Variants in BCKDHB observed in about 807,000 individuals in gnomAD.
BCKDHB encodes the protein 2-oxoisovalerate dehydrogenase subunit beta, mitochondrial.
BCKDHB carries 41 observed loss-of-function variants against 48.5 expected under a neutral mutation model. The ratio of observed to expected loss-of-function variants is 0.85; its 90% CI spans 0.66 to 1.10. The LOEUF (loss-of-function observed/expected upper bound fraction) is 1.10, where lower values mean the gene tolerates loss of function less well. Among genes scored for constraint, BCKDHB ranks in the 50% least tolerant of loss-of-function variants. The pLI is 0.00. For synonymous variants in BCKDHB, 201 were observed against 174.8 expected (o/e 1.15, Z -1.18); for missense variants, 496 against 494.2 (o/e 1.00, Z -0.03).
intron 8 of BCKDHB, among the ~76,000 whole-genome samples, chr6:80,233,570 A>G (rs1421718082): frequency 2.6e-5 from 4 of 152,118 alleles, no homozygotes; most frequent in Non-Finnish European, 5.9e-5. Context: ...TCTGAACCTT[A>G]TTAATCTTAA....
chr6:80,423,500 T>C, the BCKDHB span, among the ~76,000 whole-genome samples: 1 of 152,076 alleles, frequency 6.6e-6, no homozygotes, highest in Non-Finnish European at 1.5e-5. Flanking sequence ...TTCTTAGTCT[T>C]CCCCCTTCCC....
chr6:80,202,992 C>T, intron 7 of BCKDHB, 110 bp from the exon 8 acceptor site: 1 of 787,428 alleles, frequency 1.3e-6, no homozygotes, highest in Non-Finnish European at 2.3e-6. Flanking sequence ...CCATGCAGAT[C>T]AGTTCCTGAG....
chr6:80,306,763 G>A (rs1767899137), intron 9 of BCKDHB, among the ~76,000 whole-genome samples: 1 of 152,192 alleles, frequency 6.6e-6, no homozygotes, highest in South Asian at 2.1e-4. Flanking sequence ...TCTTACAGCT[G>A]TGGATTCATA....
chr6:80,279,452 A>G (rs1778109312), intron 9 of BCKDHB, among the ~76,000 whole-genome samples: 1 of 151,922 alleles, frequency 6.6e-6, no homozygotes, highest in Admixed American at 6.6e-5. Flanking sequence ...CGCCAGACCC[A>G]TCCTAAACTG....
chr6:80,364,381 C>G, the BCKDHB span, among the ~76,000 whole-genome samples: 1 of 152,130 alleles, frequency 6.6e-6, no homozygotes, highest in South Asian at 2.1e-4. Flanking sequence ...GCTATTGACT[C>G]TGAAGAGGGC....
intron 9 of BCKDHB, among the ~76,000 whole-genome samples, chr6:80,308,431 T>C (rs1767982377): frequency 6.6e-6 from 1 of 152,206 alleles, no homozygotes; most frequent in Non-Finnish European, 1.5e-5. Flanking sequence ...CATTTATTAT[T>C]AATGTAAAGT....
the BCKDHB span, among the ~76,000 whole-genome samples, chr6:80,373,197 T>A: frequency 6.6e-6 from 1 of 152,158 alleles, no homozygotes; most frequent in Non-Finnish European, 1.5e-5. Flanking sequence ...TTTCCAGGAA[T>A]TTATCCATCT....
chr6:80,210,099 A>G (rs1414964171), intron 8 of BCKDHB, among the ~76,000 whole-genome samples: 2 of 147,516 alleles, frequency 1.4e-5, no homozygotes, highest in African/African-American at 2.5e-5. Context: ...TAACCTAGCA[A>G]TTCCAATCCT....
At chr6:80,142,259 A>C (rs1210026402) in intron 3 of BCKDHB, among the ~76,000 whole-genome samples, 1 of 152,110 alleles carries the variant, frequency 6.6e-6, no homozygotes, top group Non-Finnish European at 1.5e-5. Context: ...AAATACAAAT[A>C]TATATTGAAA....
chr6:80,406,562 A>G, the BCKDHB span, among the ~76,000 whole-genome samples: 4 of 152,160 alleles, frequency 2.6e-5, no homozygotes, highest in Non-Finnish European at 5.9e-5. Flanking sequence ...CTGGTGTGAG[A>G]TGGTATCTCA....
chr6:80,364,009 G>A, the BCKDHB span, among the ~76,000 whole-genome samples: 1 of 152,124 alleles, frequency 6.6e-6, no homozygotes. Context: ...CAAGGCAGTG[G>A]GGTAAAAGTT....
chr6:80,294,727 G>C (rs983152252), intron 9 of BCKDHB, among the ~76,000 whole-genome samples: 7 of 152,110 alleles, frequency 4.6e-5, no homozygotes, highest in African/African-American at 1.4e-4. Context: ...ACTCCGCTCT[G>C]GTAAATTTGT....
At position 80,108,120 on chromosome 6, in the gene BCKDHB, T is replaced by C. The variant is rs190604491; in HGVS notation, c.196+1231T>C. Among the ~76,000 whole-genome samples the C allele has an allele frequency of 3.2e-3, 493 of 152,218 alleles. 3 individuals carry two copies. Among genetic ancestry groups the C allele is most frequent in the African/African-American group, 0.011 (470 of 41,504 alleles). On this transcript the variant is annotated intron_variant, in intron 1 of 9. Coordinates refer to ENST00000320393, the MANE Select transcript of BCKDHB (RefSeq NM_183050.4). The stretch of plus-strand genomic sequence containing the variant: ...TTTTGCAGTTAGGTTAATGGAGTCT[T>C]GAGACAGTTTGACCAAGATTACACA...
intron 8 of BCKDHB, among the ~76,000 whole-genome samples, chr6:80,223,180 C>T (rs1363957441): frequency 6.6e-6 from 1 of 152,066 alleles, no homozygotes; most frequent in Non-Finnish European, 1.5e-5. Flanking sequence ...AATTGATGTT[C>T]CAAATTATAT....
At position 80,337,933 on chromosome 6, in the gene BCKDHB, T is replaced by C. The variant is rs191839137; in HGVS notation, c.1039-5731T>C. Among the ~76,000 whole-genome samples the C allele has an allele frequency of 2.0e-4, 31 of 152,338 alleles. No homozygotes were observed. In the East Asian group the frequency reaches 5.8e-3, roughly 28 times the overall value. On this transcript the variant is annotated intron_variant, in intron 9 of 9. Transcript: ENST00000320393. ...TCCATTAAATGTTTAGAAAAATTAGTTAATAGTTTTGCAGGAAAAGAAAGG... is the reference window on the plus strand; with the variant it reads ...TCCATTAAATGTTTAGAAAAATTAGCTAATAGTTTTGCAGGAAAAGAAAGG...
chr6:80,240,465 G>A (rs1429391859), intron 8 of BCKDHB, among the ~76,000 whole-genome samples: 1 of 152,044 alleles, frequency 6.6e-6, no homozygotes, highest in East Asian at 1.9e-4. Flanking sequence ...TTGGCTCTCT[G>A]TTTGTCTGTT....
intron 8 of BCKDHB, among the ~76,000 whole-genome samples, chr6:80,213,669 T>G (rs1428751698): frequency 6.7e-5 from 9 of 134,656 alleles, no homozygotes; most frequent in South Asian, 2.3e-4. Flanking sequence ...TTTTTTTTTG[T>G]TTTTTTTTTT....
chr6:80,128,826 T>A (rs561216152), intron 2 of BCKDHB, among the ~76,000 whole-genome samples: 1 of 152,224 alleles, frequency 6.6e-6, no homozygotes, highest in South Asian at 2.1e-4. Context: ...CCCACAACTC[T>A]GTTTACATTT....
chr6:80,107,104 C>T (rs1185974182), intron 1 of BCKDHB, among the ~76,000 whole-genome samples: 4 of 151,670 alleles, frequency 2.6e-5, no homozygotes, highest in African/African-American at 7.3e-5. Flanking sequence ...GTCCCCCCTC[C>T]CCCGCAACTT....
Sources: gnomAD v4.1 joint callset for allele counts (sites outside exome capture counted in the v4.1 genomes callset) on GRCh38, gnomAD v4.1.1 for gene constraint, MANE v1.5 for transcripts, NCBI Gene and HGNC (gene_info 2026-07-23, HGNC 2026-07-21) for gene names.